The following SRGAP2C variants were observed in gnomAD, a reference collection of about 807,000 sequenced individuals.
SRGAP2C encodes SLIT-ROBO Rho GTPase activating protein 2C.
In SRGAP2C, 15 loss-of-function variants were observed where a neutral mutation model predicts 25.1. That is an observed-to-expected ratio of 0.60 (90% confidence interval 0.40 to 0.92). The LOEUF (loss-of-function observed/expected upper bound fraction) is 0.92, where lower values mean the gene tolerates loss of function less well. Among genes scored for constraint, SRGAP2C ranks in the 40% least tolerant of loss-of-function variants. The pLI is 0.00. For missense variants in SRGAP2C, 144 were observed against 264.4 expected, an observed-to-expected ratio of 0.54 and a Z score of 3.16; for synonymous variants, 44 against 96.6, an observed-to-expected ratio of 0.46 and a Z score of 3.19.
chr1:121,188,193 G>GA (rs1481572218), intron 2 of SRGAP2C, among the ~76,000 whole-genome samples: 1 of 152,144 alleles, frequency 6.6e-6, no homozygotes, highest in East Asian at 1.9e-4. Context: ...GCTGATTCTG[G>GA]AAAATGGGAA....
In SRGAP2C at chr1:121,227,910, A is replaced by G. The variant is rs1174881944; in HGVS notation, c.67+40397A>G. ...CATTCAGACTGGGGCTCTACAAGTC[A>G]CACTATATTTGCAAGTTGTAGCAGA... On this transcript the variant is annotated intron_variant, in intron 2 of 9. Transcript: ENST00000367123. Among the ~76,000 whole-genome samples, 612 of 139,600 alleles carry G rather than the reference A, an allele frequency of 4.4e-3. 4 individuals carry two copies. Among genetic ancestry groups the G allele is most frequent in the African/African-American group, 0.019 (561 of 29,996 alleles). 91.6% of individuals were successfully genotyped at this position (139,600 alleles called of 152,430 possible).
chr1:121,282,526 C>A (rs1255332674), intron 2 of SRGAP2C, among the ~76,000 whole-genome samples: 1 of 151,004 alleles, frequency 6.6e-6, no homozygotes, highest in African/African-American at 2.4e-5. Context: ...ACCTGGAAAG[C>A]CTTTCCACCC....
intron 4 of SRGAP2C, among the ~76,000 whole-genome samples, chr1:121,355,271 T>C (rs1213668376): frequency 6.9e-6 from 1 of 145,450 alleles, no homozygotes; most frequent in Non-Finnish European, 1.5e-5. Flanking sequence ...CATATATGGA[T>C]ACTGCGCCTG....
intron 4 of SRGAP2C, among the ~76,000 whole-genome samples, chr1:121,359,616 A>G (rs1659140615): frequency 6.6e-6 from 1 of 152,110 alleles, no homozygotes; most frequent in South Asian, 2.1e-4. Flanking sequence ...AAAAATTACA[A>G]AAATTAACCA....
At chr1:121,195,448 C>T (rs1409029772) in intron 2 of SRGAP2C, among the ~76,000 whole-genome samples, 2 of 151,078 alleles carry the variant, frequency 1.3e-5, no homozygotes, top group Admixed American at 6.6e-5. Context: ...TAGATCTGGC[C>T]TGAACTAGTC....
At chr1:121,285,752 TA>T (rs1266392364) in intron 3 of SRGAP2C, among the ~76,000 whole-genome samples, 3 of 140,744 alleles carry the variant, frequency 2.1e-5, no homozygotes, top group Non-Finnish European at 3.1e-5. Context: ...TGGAGAACTT[TA>T]AAAAAAATAC....
chr1:121,370,767 A>G (rs1310427642), intron 5 of SRGAP2C, among the ~76,000 whole-genome samples: 2 of 149,916 alleles, frequency 1.3e-5, no homozygotes, highest in Non-Finnish European at 3.0e-5. Context: ...TCAATAGCTT[A>G]TTTTGTGTTT....
Position 121,392,317 on chromosome 1 carries a change from C to T in SRGAP2C, c.*4462C>T, listed in dbSNP as rs1418179705. ...CCCCCTCCTCCTTTTTACTTTTCTT[C>T]CTCTTCCTTTCTCTTCTTCTTTCTC... On this transcript the variant is annotated 3_prime_UTR_variant, in exon 10 of 10. Coordinates refer to ENST00000367123, the MANE Select transcript of SRGAP2C (RefSeq NM_001329984.2). 2.0e-5 allele frequency: 3 copies of T among 151,986 alleles called. No individual in the cohort carries two copies. Among genetic ancestry groups the T allele is most frequent in the African/African-American group, 7.3e-5 (3 of 41,378 alleles). 9.4% of individuals were successfully genotyped at this position (151,986 alleles called of 1,614,324 possible).
intron 2 of SRGAP2C, among the ~76,000 whole-genome samples, chr1:121,218,966 A>G (rs1312879268): frequency 1.3e-5 from 2 of 152,154 alleles, no homozygotes; most frequent in Non-Finnish European, 2.9e-5. Flanking sequence ...TTTAAGCTCC[A>G]CCACTACAAC....
At chr1:121,222,803 C>G (rs1187770918) in intron 2 of SRGAP2C, among the ~76,000 whole-genome samples, 1 of 151,894 alleles carries the variant, frequency 6.6e-6, no homozygotes, top group East Asian at 1.9e-4. Context: ...CCTTTTCTAC[C>G]TCTGCTGGTT....
intron 2 of SRGAP2C, among the ~76,000 whole-genome samples, chr1:121,270,980 G>A (rs587644252): frequency 1.3e-5 from 2 of 151,038 alleles, no homozygotes; most frequent in Admixed American, 6.6e-5. Flanking sequence ...TTTTTTTTTA[G>A]TAGAGACGGG....
Position 121,314,886 on chromosome 1 carries a change from T to G in SRGAP2C, c.261-9592T>G, listed in dbSNP as rs1218382839. The G allele has an allele frequency of 4.9e-6, 3 of 616,708 alleles. No individual in the cohort carries two copies. The East Asian group carries it at 1.4e-4, about 29-fold the overall frequency. The allele number at this position is 616,708 out of a possible 1,614,324, so 38.2% of individuals were successfully genotyped here. On this transcript the variant is annotated intron_variant, in intron 3 of 9. Transcript: ENST00000367123. ...TCTGTGTCGCTCACGCTGGGAGCTG[T>G]AGACCGGAGCTGTTCCTATTCGGCC...
In SRGAP2C at chr1:121,367,917, AC is replaced by A. The variant is rs758354748; in HGVS notation, c.486+2563del. ...GTGAAACTCTGTCTCTACTAAAAAT[AC>A]AAAAAAAATTAGCTGGGCATGGTGG... On this transcript the variant is annotated intron_variant, in intron 5 of 9. Coordinates refer to ENST00000367123, the MANE Select transcript of SRGAP2C (RefSeq NM_001329984.2). 3.4e-3 allele frequency among the ~76,000 whole-genome samples: 460 copies of A among 136,262 alleles called. 2 individuals carry two copies. Among genetic ancestry groups the A allele is most frequent in the Non-Finnish European group, 5.2e-3 (334 of 64,598 alleles). The allele number at this position is 136,262 out of a possible 152,430, so 89.4% of individuals were successfully genotyped here.
At chr1:121,329,560 T>A (rs1184106761) in intron 4 of SRGAP2C, among the ~76,000 whole-genome samples, 6 of 142,080 alleles carry the variant, frequency 4.2e-5, no homozygotes, top group African/African-American at 1.6e-4. Flanking sequence ...GCAAAATATC[T>A]CTGCCCCCTG....
intron 2 of SRGAP2C, among the ~76,000 whole-genome samples, chr1:121,232,987 TC>T (rs1655855719): frequency 7.7e-6 from 1 of 129,532 alleles, no homozygotes; most frequent in East Asian, 2.4e-4. Context: ...AGCTGCATTC[TC>T]CTTGTACATC....
At chr1:121,265,189 ACT>A (rs1347944411) in intron 2 of SRGAP2C, among the ~76,000 whole-genome samples, 2 of 144,580 alleles carry the variant, frequency 1.4e-5, no homozygotes, top group Non-Finnish European at 3.0e-5. Context: ...ACCAAGTGAG[ACT>A]CTGTCTCAAA....
chr1:121,385,767 G>T (rs1322575239), intron 8 of SRGAP2C, among the ~76,000 whole-genome samples: 1 of 151,922 alleles, frequency 6.6e-6, no homozygotes, highest in Non-Finnish European at 1.5e-5. Context: ...CTGTCATCCA[G>T]GGGACTGTGG....
At chr1:121,295,550 G>A (rs1183622595) in intron 3 of SRGAP2C, among the ~76,000 whole-genome samples, 4 of 152,080 alleles carry the variant, frequency 2.6e-5, no homozygotes, top group Non-Finnish European at 5.9e-5. Context: ...AGAGCTTACA[G>A]TCTAGAGACA....
intron 5 of SRGAP2C, among the ~76,000 whole-genome samples, chr1:121,367,931 CT>C (rs777534087): frequency 4.2e-4 from 53 of 125,968 alleles, no homozygotes; most frequent in African/African-American, 9.6e-4. Flanking sequence ...AAAAAATTAG[CT>C]GGGCATGGTG....
Sources: gnomAD v4.1 joint callset for allele counts (sites outside exome capture counted in the v4.1 genomes callset) on GRCh38, gnomAD v4.1.1 for gene constraint, MANE v1.5 for transcripts, NCBI Gene and HGNC (gene_info 2026-07-23, HGNC 2026-07-21) for gene names.